Variants in SYT16 observed in about 807,000 individuals in gnomAD.
SYT16 encodes the protein synaptotagmin-16.
SYT16 carries 42 observed loss-of-function variants against 61.4 expected under a neutral mutation model. The ratio of observed to expected loss-of-function variants is 0.68; its 90% CI spans 0.53 to 0.89. SYT16 has a LOEUF of 0.89. Ranked by LOEUF, SYT16 falls within the 40% of genes least tolerant of loss-of-function variation. The pLI is 0.00. For synonymous variants in SYT16, 314 were observed against 302.3 expected (o/e 1.04, Z -0.40); for missense variants, 804 against 807.3 (o/e 1.00, Z 0.05).
chr14:62,050,886 G>A (rs539869342), intron 3 of SYT16, among the ~76,000 whole-genome samples: 2 of 152,298 alleles, frequency 1.3e-5, no homozygotes, highest in Admixed American at 6.5e-5. Context: ...GCCCCTACTG[G>A]GAGGTGACTC....
chr14:62,040,604 T>A (rs748846236), intron 3 of SYT16, among the ~76,000 whole-genome samples: 4 of 152,240 alleles, frequency 2.6e-5, no homozygotes, highest in African/African-American at 4.8e-5. Flanking sequence ...TAGAGTTCTG[T>A]CAGTTTTTTT....
Position 61,892,904 on chromosome 14 carries a change from G to GT in SYT16, c.-324-77217dup, listed in dbSNP as rs373994278. On this transcript the variant is annotated intron_variant, in intron 1 of 7. Coordinates refer to ENST00000683842, the MANE Select transcript of SYT16 (RefSeq NM_001367656.1). The stretch of plus-strand genomic sequence containing the variant: ...ATCTCAGTAAAATACAGAATAAACG[G>GT]TTTTTTTTTTTCCTTCCCTTTGCCA... 3.4e-3 allele frequency among the ~76,000 whole-genome samples: 508 copies of GT among 148,396 alleles called. 2 individuals carry two copies. Among genetic ancestry groups the GT allele is most frequent in the South Asian group, 4.5e-3 (21 of 4,616 alleles).
At chr14:62,096,225 T>A (rs1473326888) in intron 7 of SYT16, among the ~76,000 whole-genome samples, 1 of 152,022 alleles carries the variant, frequency 6.6e-6, no homozygotes, top group Non-Finnish European at 1.5e-5. Context: ...TCCACAAAAA[T>A]TTAAAACATT....
At chr14:62,060,258 T>C (rs1450270335) in intron 3 of SYT16, among the ~76,000 whole-genome samples, 1 of 152,116 alleles carries the variant, frequency 6.6e-6, no homozygotes, top group Non-Finnish European at 1.5e-5. Context: ...ATGCTTTTAG[T>C]GTGAGAGTTT....
chr14:61,813,016 C>T (rs910608174), intron 1 of SYT16, among the ~76,000 whole-genome samples: 5 of 152,242 alleles, frequency 3.3e-5, no homozygotes, highest in Admixed American at 1.3e-4. Context: ...GGCAGAAGGG[C>T]GTGCGCCTGG....
chr14:62,057,443 G>A (rs1301618642), intron 3 of SYT16, among the ~76,000 whole-genome samples: 3 of 152,142 alleles, frequency 2.0e-5, no homozygotes, highest in Admixed American at 6.5e-5. Flanking sequence ...AGACATGGGG[G>A]TAGGGTCGGA....
chr14:62,089,673 C>G (rs2057007272), intron 7 of SYT16, among the ~76,000 whole-genome samples: 1 of 152,132 alleles, frequency 6.6e-6, no homozygotes, highest in Non-Finnish European at 1.5e-5. Context: ...GTCACACCAG[C>G]CATTTTCAAG....
At chr14:61,946,006 C>T (rs2050420458) in intron 1 of SYT16, among the ~76,000 whole-genome samples, 2 of 151,116 alleles carry the variant, frequency 1.3e-5, no homozygotes, top group Non-Finnish European at 2.9e-5. Context: ...GGGAGTTGAT[C>T]AATGAGAACA....
intron 1 of SYT16, among the ~76,000 whole-genome samples, chr14:61,882,476 G>GAGA (rs550582098): frequency 4.4e-4 from 67 of 152,154 alleles, no homozygotes; most frequent in Non-Finnish European, 7.5e-4. Flanking sequence ...AACAGCATGG[G>GAGA]AGAAACTACC....
At chr14:62,075,604 T>TAAAAAAAAAAAAAAAGAAAAAAAAAA (rs2056464050) in intron 5 of SYT16, among the ~76,000 whole-genome samples, 1 of 61,418 alleles carries the variant, frequency 1.6e-5, no homozygotes, top group Non-Finnish European at 3.3e-5. Context: ...GGATGAACGG[T>TAAAAAAAAAAAAAAAGAAAAAAAAAA]AAAAAAAAAA....
At chr14:62,066,435 T>C (rs933972377) in intron 3 of SYT16, among the ~76,000 whole-genome samples, 1 of 152,284 alleles carries the variant, frequency 6.6e-6, no homozygotes, top group East Asian at 1.9e-4. Flanking sequence ...CGGGCACTTA[T>C]GACAGTGCCT....
At chr14:62,049,238 CTTT>C (rs1291466553) in intron 3 of SYT16, among the ~76,000 whole-genome samples, 2 of 152,160 alleles carry the variant, frequency 1.3e-5, no homozygotes, top group Non-Finnish European at 1.5e-5. Context: ...TAATGGCCTT[CTTT>C]GTCTCTTTTG....
chr14:61,974,010 T>C (rs148910282), intron 2 of SYT16, among the ~76,000 whole-genome samples: 2,104 of 152,178 alleles, frequency 0.014, 29 homozygotes, highest in South Asian at 0.075. Context: ...ATGCTTCTTT[T>C]TGGAATTGTG....
chr14:62,064,343 A>AG (rs1019196599), intron 3 of SYT16, among the ~76,000 whole-genome samples: 5 of 150,010 alleles, frequency 3.3e-5, no homozygotes, highest in Admixed American at 3.3e-4. Flanking sequence ...TGAAAAAAAA[A>AG]AAAAAAAAAA....
chr14:61,980,960 TTGTG>T (rs3081455), intron 2 of SYT16, among the ~76,000 whole-genome samples: 1 of 149,006 alleles, frequency 6.7e-6, no homozygotes. Flanking sequence ...GTGTGTGTGT[TTGTG>T]TGTGTGTGTG....
intron 2 of SYT16, among the ~76,000 whole-genome samples, chr14:61,983,229 A>G (rs1350688216): frequency 6.6e-6 from 1 of 152,178 alleles, no homozygotes; most frequent in Non-Finnish European, 1.5e-5. Flanking sequence ...AGCCTGACAG[A>G]TTAAAGTAAA....
rs1177444514 is a variant in SYT16 at position 61,965,911 on chromosome 14, G to A, written c.-324-4221G>A. On this transcript the variant is annotated intron_variant, in intron 1 of 7. Coordinates refer to ENST00000683842, the MANE Select transcript of SYT16 (RefSeq NM_001367656.1). Reference sequence around the variant, plus strand: ...GAGACTCACAGAAGGATACATTCTGGTAAAATTTTTGTGTTATAAAGGAAA... The same window carrying A: ...GAGACTCACAGAAGGATACATTCTGATAAAATTTTTGTGTTATAAAGGAAA... Among the ~76,000 whole-genome samples, 4 of 152,086 alleles carry A rather than the reference G, an allele frequency of 2.6e-5. No individual in the cohort carries two copies. In the East Asian group the frequency reaches 7.7e-4, roughly 29 times the overall value.
chr14:62,053,328 T>C (rs1325928175), intron 3 of SYT16, among the ~76,000 whole-genome samples: 8 of 152,208 alleles, frequency 5.3e-5, no homozygotes, highest in Admixed American at 5.2e-4. Flanking sequence ...ACTTACATCA[T>C]CTGCTCTCCT....
intron 1 of SYT16, among the ~76,000 whole-genome samples, chr14:61,911,101 AT>A (rs1365804313): frequency 1.3e-5 from 2 of 152,192 alleles, no homozygotes; most frequent in Non-Finnish European, 2.9e-5. Context: ...ACACACTTGA[AT>A]TTTTATGACT....
Sources: gnomAD v4.1 joint callset for allele counts (sites outside exome capture counted in the v4.1 genomes callset) on GRCh38, gnomAD v4.1.1 for gene constraint, MANE v1.5 for transcripts, NCBI Gene and HGNC (gene_info 2026-07-23, HGNC 2026-07-21) for gene names.